DOCK10: variants seen among roughly 807,000 people sequenced by gnomAD.
DOCK10 encodes dedicator of cytokinesis protein 10.
In DOCK10, 145 loss-of-function variants were observed where a neutral mutation model predicts 280.1. The ratio of observed to expected loss-of-function variants is 0.52; its 90% CI spans 0.45 to 0.59. The LOEUF (loss-of-function observed/expected upper bound fraction) is 0.59. Among genes scored for constraint, DOCK10 ranks in the 20% least tolerant of loss-of-function variants. The pLI is 0.00. For synonymous variants in DOCK10, 915 were observed against 942.2 expected (o/e 0.97, Z 0.53); for missense variants, 2,368 against 2,651.7 (o/e 0.89, Z 2.35).
In DOCK10 at chr2:224,805,618, T is replaced by C. The variant is rs972374826; in HGVS notation, c.3815-89A>G. 1.3e-6 allele frequency: 2 copies of C among 1,541,740 alleles called. No individual in the cohort carries two copies. The highest frequency in any genetic ancestry group is 1.8e-6 in the Non-Finnish European group (2 of 1,131,086). ...TTCACATGATGAACCAAAAAGATGT[T>C]GATACTGAGGTAGCAGCAGTGTTGT... On this transcript the variant is annotated intron_variant, in intron 34 of 55. Transcript: ENST00000258390. The surrounding 1 kb of genome is among the most constrained non-coding windows in gnomAD (Gnocchi z 4.3).
intron 1 of DOCK10, among the ~76,000 whole-genome samples, chr2:224,977,759 C>T (rs1336023979): frequency 2.6e-5 from 4 of 152,180 alleles, no homozygotes; most frequent in Non-Finnish European, 4.4e-5. Flanking sequence ...TAAGAATCTA[C>T]ATTAGTTAAT....
intron 1 of DOCK10, among the ~76,000 whole-genome samples, chr2:224,940,182 C>T (rs1178764266): frequency 6.6e-6 from 1 of 152,146 alleles, no homozygotes; most frequent in Non-Finnish European, 1.5e-5. Context: ...TCTGGGGCTA[C>T]ACTCCCACAA....
intron 1 of DOCK10, among the ~76,000 whole-genome samples, chr2:225,032,882 A>G (rs1690119824): frequency 6.6e-6 from 1 of 152,246 alleles, no homozygotes; most frequent in Non-Finnish European, 1.5e-5. Flanking sequence ...TGAAAGGCCA[A>G]AGAGTCACTG....
intron 51 of DOCK10, 63 bp downstream of exon 51, chr2:224,778,075 T>A (rs1459856518): frequency 6.7e-7 from 1 of 1,484,180 alleles, no homozygotes; most frequent in East Asian, 2.3e-5. Context: ...AAACTTAATG[T>A]AGTTAAAGAA....
At chr2:224,893,002 CG>C (rs1172510964) in intron 4 of DOCK10, among the ~76,000 whole-genome samples, 1 of 152,178 alleles carries the variant, frequency 6.6e-6, no homozygotes, top group Non-Finnish European at 1.5e-5. Context: ...CTAAGAGCCT[CG>C]GGGATACCAA....
intron 26 of DOCK10, among the ~76,000 whole-genome samples, chr2:224,831,923 G>T (rs1475956172): frequency 6.6e-6 from 1 of 152,152 alleles, no homozygotes; most frequent in Non-Finnish European, 1.5e-5. Context: ...AGGGGAGGTA[G>T]GGGCTCCTGG....
At chr2:224,951,746 T>A (rs1189853321) in intron 1 of DOCK10, among the ~76,000 whole-genome samples, 1 of 152,114 alleles carries the variant, frequency 6.6e-6, no homozygotes, top group African/African-American at 2.4e-5. Context: ...TAAACCTAAG[T>A]GTCAACAGGG....
intron 2 of DOCK10, among the ~76,000 whole-genome samples, chr2:224,929,355 T>C (rs1046276190): frequency 3.2e-4 from 48 of 152,346 alleles, no homozygotes; most frequent in African/African-American, 1.2e-3. Flanking sequence ...ACATCATGTA[T>C]TTGCTGAATG....
chr2:224,940,461 A>G (rs543032073), intron 1 of DOCK10, among the ~76,000 whole-genome samples: 66 of 152,162 alleles, frequency 4.3e-4, no homozygotes, highest in African/African-American at 1.5e-3. Context: ...TTAAAGGAGG[A>G]CCTCTTTTAG....
intron 1 of DOCK10, among the ~76,000 whole-genome samples, chr2:224,989,723 C>G (rs1346177207): frequency 6.6e-6 from 1 of 152,160 alleles, no homozygotes; most frequent in Non-Finnish European, 1.5e-5. Context: ...AGTGCCTTCT[C>G]AGCTGAAAAG....
At position 224,805,510 on chromosome 2, in the gene DOCK10, A is replaced by C; in HGVS notation, c.3834T>G (p.Ile1278Met). The change falls in exon 35 of 56, where the codon ATT becomes ATG. Residue 1278 changes from isoleucine to methionine, a missense_variant. Transcript: ENST00000258390. This position sits in a 1 kb window ranked among gnomAD's most constrained non-coding sequence, Gnocchi z 4.3. ...NSIAAFSSIA[I>M]STVNHADSRA... is the part of the protein sequence containing the mutation. ...TGGAGTCAGCATGGTTTACTGTAGA[A>C]ATAGCTATTGATGAAAATGCTGTAA... is the stretch of plus-strand genomic sequence containing the variant. 1 of 1,612,478 alleles carries C rather than the reference A, an allele frequency of 6.2e-7. No homozygotes were observed. Among genetic ancestry groups the C allele is most frequent in the Non-Finnish European group, 8.5e-7 (1 of 1,178,954 alleles).
At chr2:224,980,995 T>C (rs892132032) in intron 1 of DOCK10, among the ~76,000 whole-genome samples, 4 of 152,076 alleles carry the variant, frequency 2.6e-5, no homozygotes, top group African/African-American at 9.7e-5. Context: ...CTAACAAAAT[T>C]AGAAAAATAA....
At chr2:224,877,086 C>G (rs1272752487) in intron 7 of DOCK10, among the ~76,000 whole-genome samples, 1 of 152,152 alleles carries the variant, frequency 6.6e-6, no homozygotes, top group East Asian at 1.9e-4. Context: ...CAGGCTGGCC[C>G]CCTCCACCAC....
Position 224,931,666 on chromosome 2 carries a change from T to C in DOCK10, c.126A>G (p.Gln42=), listed in dbSNP as rs939536702. 6.3e-7 allele frequency: 1 copy of C among 1,597,166 alleles called. No individual in the cohort carries two copies. Among genetic ancestry groups the C allele is most frequent in the Non-Finnish European group, 8.5e-7 (1 of 1,171,514 alleles). Residue 42 remains glutamine, a splice_region_variant and synonymous_variant, in exon 2 of 56, where the codon CAA becomes CAG. Transcript: ENST00000258390. ...VAVSSRQQQR[Q]EKPRLLEPLD... ...AAGGCTCGAGAAGCCTAGGCTTTTC[T>C]TGCTGTAGAAAAAGAAAATATGGTA...
At chr2:224,860,016 G>A (rs1265830600) in intron 14 of DOCK10, among the ~76,000 whole-genome samples, 3 of 152,194 alleles carry the variant, frequency 2.0e-5, no homozygotes, top group Non-Finnish European at 4.4e-5. Context: ...AGAAATTTAT[G>A]TGGAAGTAAA....
At chr2:224,890,655 A>G (rs1056794894) in intron 4 of DOCK10, among the ~76,000 whole-genome samples, 1 of 152,236 alleles carries the variant, frequency 6.6e-6, no homozygotes, top group East Asian at 1.9e-4. Context: ...TATCACTCAG[A>G]AGCATTGTGC....
intron 1 of DOCK10, among the ~76,000 whole-genome samples, chr2:224,945,006 T>C (rs1244138451): frequency 6.6e-6 from 1 of 152,224 alleles, no homozygotes; most frequent in African/African-American, 2.4e-5. Context: ...AGATAATTCA[T>C]AGAGTGATTA....
chr2:224,797,854 G>A lies in DOCK10; in HGVS notation c.4622C>T (p.Ser1541Phe). ...SATALKHVFA[S>F]LRLFVCKFPS... ...TACCTTGCATACAAACAGTCTCAAG[G>A]AGGCAAACACATGCTTCAGCGCTGT... Residue 1541 changes from serine (S) to phenylalanine (F), a missense_variant, in exon 42 of 56, where the codon TCC (serine) becomes TTC (phenylalanine). Ser to Phe is a radical substitution (Grantham distance 155). This residue lies in a region of DOCK10 where 1,159 missense variants were observed against 1,400.8 expected (regional missense o/e 0.83). Transcript: ENST00000258390. The A allele has an allele frequency of 1.2e-6, 2 of 1,613,766 alleles. No individual in the cohort carries two copies. Among genetic ancestry groups the A allele is most frequent in the Non-Finnish European group, 1.7e-6 (2 of 1,179,762 alleles).
intron 55 of DOCK10, among the ~76,000 whole-genome samples, chr2:224,769,520 T>G (rs1039741207): frequency 2.6e-5 from 4 of 152,180 alleles, no homozygotes; most frequent in Non-Finnish European, 2.9e-5. Context: ...TGATGAGATG[T>G]CCAGGTAGAG....
Sources: gnomAD v4.1 joint callset for allele counts (sites outside exome capture counted in the v4.1 genomes callset) on GRCh38, gnomAD v4.1.1 for gene constraint, gnomAD v4.1.1 regional missense constraint, Gnocchi (gnomAD v3.1) non-coding constraint, MANE v1.5 for transcripts, NCBI Gene and HGNC (gene_info 2026-07-23, HGNC 2026-07-21) for gene names.